The following DET1 variants were observed in gnomAD, a reference collection of about 807,000 sequenced individuals.
The protein encoded by DET1 is DET1 partner of COP1 E3 ubiquitin ligase.
In DET1, 22 loss-of-function variants were observed where a neutral mutation model predicts 43.7. The observed-to-expected ratio is 0.50, with a 90% confidence interval of 0.36 to 0.72. DET1 has a LOEUF of 0.72. Ranked by LOEUF, DET1 falls within the 30% of genes least tolerant of loss-of-function variation. The pLI is 0.00. For synonymous variants in DET1, 315 were observed against 266.2 expected (o/e 1.18, Z -1.79); for missense variants, 713 against 713.3 (o/e 1.00, Z 0.00).
At position 88,536,468 on chromosome 15, in the gene DET1, A is replaced by ACACTAAAC. The variant is rs2056953676; in HGVS notation, c.-10-4761_-10-4754dup. The ACACTAAAC allele has an allele frequency of 8.3e-6, 5 of 605,416 alleles. No homozygotes were observed. In the South Asian group the frequency reaches 1.0e-4, roughly 12 times the overall value. The allele number at this position is 605,416 out of a possible 1,614,324, so 37.5% of individuals were successfully genotyped here. A position where few individuals can be genotyped will look rare whatever the true frequency, so the allele number is the denominator to read the frequency against. On this transcript the variant is annotated intron_variant, in intron 1 of 4. Coordinates refer to ENST00000268148, the MANE Select transcript of DET1 (RefSeq NM_001144074.3). Reference sequence around the variant, plus strand: ...GGTATGAGCCTTGAAGAATAAGAATACACTAAACAAAGTAAAAGAGGAACA... The same window carrying ACACTAAAC: ...GGTATGAGCCTTGAAGAATAAGAATACACTAAACCACTAAACAAAGTAAAAGAGGAACA...
rs560418679 is a variant in DET1 at position 88,531,359 on chromosome 15, A to T, written c.347T>A (p.Ile116Asn). 39 of 1,614,010 alleles carry T rather than the reference A, an allele frequency of 2.4e-5. No individual in the cohort carries two copies. The South Asian group carries it at 3.8e-4, about 16-fold the overall frequency. The change falls in exon 2 of 5, where the codon ATC (isoleucine) becomes AAC (asparagine). Residue 116 changes from isoleucine (I) to asparagine (N), a missense_variant. Physicochemically the swap from Ile to Asn is moderately radical, Grantham distance 149. Transcript: ENST00000268148. The surrounding 1 kb of genome is among the most constrained non-coding windows in gnomAD (Gnocchi z 6.2). ...SNGNDQRSVN[I>N]RGRLFERFFV... ...AAAGCGTTCAAAGAGCCGGCCCCGG[A>T]TATTCACTGACCGCTGGTCATTGCC...
intron 2 of DET1, 81 bp downstream of exon 2, chr15:88,530,542 G>T: frequency 6.6e-7 from 1 of 1,514,558 alleles, no homozygotes; most frequent in South Asian, 1.3e-5. Context: ...ATTTCTGAGG[G>T]GTGGGCTATA....
rs184021836 is a variant in DET1, at chr15:88,543,095, T to C, written c.-11+3445A>G. 3.9e-5 allele frequency among the ~76,000 whole-genome samples: 6 copies of C among 152,326 alleles called. No individual in the cohort carries two copies. In the East Asian group the frequency reaches 1.2e-3, roughly 29 times the overall value. ...GCTTTTCAAAATCTGAAAAAGACTT[T>C]AACTGAAGCCCCTGCTTTAGGCCTC... On this transcript the variant is annotated intron_variant, in intron 1 of 4. Transcript: ENST00000268148.
chr15:88,521,956 C>T (rs190179163), intron 3 of DET1, among the ~76,000 whole-genome samples: 40 of 150,882 alleles, frequency 2.7e-4, no homozygotes, highest in African/African-American at 9.0e-4. Flanking sequence ...GGGAAAAAAG[C>T]CATGATTTGT....
At chr15:88,510,008 G>GA (rs1009049089), downstream of DET1, among the ~76,000 whole-genome samples, 8 of 152,132 alleles carry the variant, frequency 5.3e-5, no homozygotes, top group Non-Finnish European at 1.0e-4. Context: ...ACCTGAGAGA[G>GA]AAAAAAACTC....
At position 88,531,127 on chromosome 15, in the gene DET1, G is replaced by C. The variant is rs1026617848; in HGVS notation, c.579C>G (p.Leu193=). The change falls in exon 2 of 5, where the codon CTC becomes CTG. Residue 193 remains leucine, a synonymous_variant. Transcript: ENST00000268148. This position sits in a 1 kb window ranked among gnomAD's most constrained non-coding sequence, Gnocchi z 6.2. ...GGCCGGTGTGAAGGTCAATGATATG[G>C]AGGGAATAGTCTTCTAGAGGGGACC... The part of the protein sequence containing the change: ...NPRSPLEDYS[L]HIIDLHTGRL... 1 of 1,613,860 alleles carries C rather than the reference G, an allele frequency of 6.2e-7. No individual in the cohort carries two copies. The highest frequency in any genetic ancestry group is 8.5e-7 in the Non-Finnish European group (1 of 1,179,900).
At chr15:88,532,585 G>A (rs190693768) in intron 1 of DET1, among the ~76,000 whole-genome samples, 3 of 152,236 alleles carry the variant, frequency 2.0e-5, no homozygotes, top group Admixed American at 1.3e-4. Flanking sequence ...AAAAAATTGT[G>A]GTACTGGATA....
At chr15:88,510,414 G>T (rs2056184994), downstream of DET1, among the ~76,000 whole-genome samples, 1 of 152,160 alleles carries the variant, frequency 6.6e-6, no homozygotes, top group African/African-American at 2.4e-5. Context: ...AGGTCCTCAG[G>T]TTCAATCAAA....
chr15:88,528,540 A>G (rs2056727949), intron 2 of DET1, among the ~76,000 whole-genome samples: 1 of 152,230 alleles, frequency 6.6e-6, no homozygotes, highest in African/African-American at 2.4e-5. Flanking sequence ...AAAGCATTCA[A>G]ATGCCATAGG....
At chr15:88,524,810 G>A (rs1156402330) in intron 3 of DET1, among the ~76,000 whole-genome samples, 1 of 152,100 alleles carries the variant, frequency 6.6e-6, no homozygotes, top group African/African-American at 2.4e-5. Context: ...CACAAACACT[G>A]CGGAAGGCCA....
At chr15:88,540,362 ATG>A (rs973867559) in intron 1 of DET1, among the ~76,000 whole-genome samples, 4 of 151,582 alleles carry the variant, frequency 2.6e-5, no homozygotes, top group African/African-American at 9.7e-5. Flanking sequence ...CTTTCTGGTT[ATG>A]TTAATTCTGT....
At chr15:88,522,283 C>T (rs1310474582) in intron 3 of DET1, among the ~76,000 whole-genome samples, 2 of 152,270 alleles carry the variant, frequency 1.3e-5, no homozygotes, top group South Asian at 2.1e-4. Context: ...TCATGTTCTT[C>T]AGTCCTGGGA....
intron 3 of DET1, among the ~76,000 whole-genome samples, chr15:88,520,436 A>T (rs183702668): frequency 1.2e-4 from 18 of 152,306 alleles, no homozygotes; most frequent in Admixed American, 3.9e-4. Context: ...CAATAAGTTA[A>T]TTTTCAGTCC....
intron 1 of DET1, among the ~76,000 whole-genome samples, chr15:88,545,232 T>A (rs1451995124): frequency 1.3e-5 from 2 of 152,174 alleles, no homozygotes. Flanking sequence ...ATTAACATTT[T>A]ATATTCCAGG....
At chr15:88,520,415 A>T (rs1311815653) in intron 3 of DET1, among the ~76,000 whole-genome samples, 49 of 152,202 alleles carry the variant, frequency 3.2e-4, no homozygotes, top group Admixed American at 3.2e-3. Context: ...TGACCTGCAC[A>T]TTGCTAACTC....
intron 3 of DET1, among the ~76,000 whole-genome samples, chr15:88,522,655 C>G (rs1217666471): frequency 6.6e-6 from 1 of 151,100 alleles, no homozygotes; most frequent in Non-Finnish European, 1.5e-5. Context: ...ACTACAGGCG[C>G]CCGCCATCAC....
chr15:88,515,691 T>C (rs2056327246), intron 4 of DET1, among the ~76,000 whole-genome samples: 1 of 152,006 alleles, frequency 6.6e-6, no homozygotes, highest in African/African-American at 2.4e-5. Flanking sequence ...TTTGAAGATA[T>C]TAAAGATTTT....
chr15:88,541,641 A>G lies in DET1; in HGVS notation c.-11+4899T>C, dbSNP rs568362022. Reference sequence around the variant, plus strand: ...CTCTAAAGGATCATTGAATCCTACAATTGTTCAAGCCGTGTGGCGGGTTGT... The same window carrying G: ...CTCTAAAGGATCATTGAATCCTACAGTTGTTCAAGCCGTGTGGCGGGTTGT... On this transcript the variant is annotated intron_variant, in intron 1 of 4. Coordinates refer to ENST00000268148, the MANE Select transcript of DET1 (RefSeq NM_001144074.3). Among the ~76,000 whole-genome samples the G allele has an allele frequency of 2.4e-4, 37 of 152,236 alleles. No homozygotes were observed. In the South Asian group the frequency reaches 7.7e-3, roughly 32 times the overall value.
chr15:88,545,049 G>A (rs1406656144), intron 1 of DET1, among the ~76,000 whole-genome samples: 1 of 152,118 alleles, frequency 6.6e-6, no homozygotes, highest in African/African-American at 2.4e-5. Context: ...CCTGACGCTA[G>A]CTGTCGAGAT....
Sources: allele counts gnomAD v4.1 joint callset (sites outside exome capture counted in the v4.1 genomes callset), GRCh38; gene constraint gnomAD v4.1.1; non-coding constraint Gnocchi (gnomAD v3.1); transcripts MANE v1.5; gene names NCBI Gene and HGNC (gene_info 2026-07-23, HGNC 2026-07-21).